NUP98: variants seen among roughly 807,000 people sequenced by gnomAD.
The protein encoded by NUP98 is nuclear pore complex protein Nup98-Nup96.
NUP98 carries 26 observed loss-of-function variants against 191.9 expected under a neutral mutation model. The observed-to-expected ratio is 0.14, with a 90% CI of 0.10 to 0.19. The LOEUF (loss-of-function observed/expected upper bound fraction) is 0.19. NUP98 is among the 10% of genes least tolerant of loss of function. NUP98 has a pLI of 1.00. For synonymous variants in NUP98, 808 were observed against 778.4 expected (o/e 1.04, Z -0.63); for missense variants, 1,941 against 2,178.8 (o/e 0.89, Z 2.17).
Position 3,695,509 on chromosome 11 carries a change from T to C in NUP98, c.4107A>G (p.Gln1369=). Residue 1369 remains glutamine (Q), a synonymous_variant, in exon 26 of 33, where the codon CAA becomes CAG. Coordinates refer to ENST00000324932, the MANE Select transcript of NUP98 (RefSeq NM_016320.5). ...TMQLVDWHQL[Q]ADSFIQDERL... ...TCTCATCCTGGATGAAGGAGTCTGC[T>C]TGGAGCTGATGCCAGTCCACCAACT... is the stretch of plus-strand genomic sequence containing the variant. 6.2e-7 allele frequency: 1 copy of C among 1,611,618 alleles called. No individual in the cohort carries two copies. The highest frequency in any genetic ancestry group is 8.5e-7 in the Non-Finnish European group (1 of 1,178,884).
intron 9 of NUP98, among the ~76,000 whole-genome samples, chr11:3,762,188 C>A (rs749798480): frequency 6.6e-6 from 1 of 151,974 alleles, no homozygotes; most frequent in African/African-American, 2.4e-5. Context: ...CGGGTCACTG[C>A]AACCTCCACT....
intron 28 of NUP98, among the ~76,000 whole-genome samples, chr11:3,689,108 T>C (rs2078225958): frequency 1.3e-5 from 2 of 151,218 alleles, no homozygotes; most frequent in East Asian, 2.0e-4. Context: ...GGTGCACTCC[T>C]GCAGCGCTCA....
At chr11:3,728,045 T>C (rs1181838999) in intron 14 of NUP98, among the ~76,000 whole-genome samples, 2 of 151,710 alleles carry the variant, frequency 1.3e-5, no homozygotes, top group Non-Finnish European at 2.9e-5. Flanking sequence ...AAACCAAAAA[T>C]AGTGTCGCAA....
At chr11:3,787,311 T>C (rs2082174135) in intron 1 of NUP98, among the ~76,000 whole-genome samples, 1 of 152,142 alleles carries the variant, frequency 6.6e-6, no homozygotes, top group East Asian at 1.9e-4. Flanking sequence ...CCGGGCACGG[T>C]GGCTCAAGGT....
chr11:3,733,451 A>G (rs1339091817), intron 13 of NUP98, among the ~76,000 whole-genome samples: 1 of 152,118 alleles, frequency 6.6e-6, no homozygotes, highest in Admixed American at 6.6e-5. Context: ...AGCTGGGATT[A>G]TGGGCACGCA....
At chr11:3,760,405 T>C (rs1372883210) in intron 10 of NUP98, 134 bp downstream of exon 10, 3 of 1,354,690 alleles carry the variant, frequency 2.2e-6, no homozygotes, top group Non-Finnish European at 3.1e-6. Context: ...CTTTTAAATA[T>C]TTCCAATCAT....
intron 14 of NUP98, among the ~76,000 whole-genome samples, chr11:3,729,715 CAAAAAAAAAAA>C (rs755816362): frequency 1.6e-4 from 6 of 37,416 alleles, no homozygotes; most frequent in Admixed American, 8.3e-4. Context: ...ACTCTTGCCT[CAAAAAAAAAAA>C]AAAAAAAAAA....
rs1454411978 is a variant in NUP98 at position 3,705,244 on chromosome 11, C to A, written c.3038G>T (p.Arg1013Ile). The change falls in exon 22 of 33, where the codon AGA becomes ATA. Residue 1013 changes from arginine to isoleucine, a missense_variant. Transcript: ENST00000324932. ...ADTSQEICSP[R>I]LPISASHSSK... ...CGAGTGGGATGCTGAAATGGGGAGT[C>A]TGGGAGAACAGATTTCTTGAGAAGT... 1 of 1,614,176 alleles carries A rather than the reference C, an allele frequency of 6.2e-7. No individual in the cohort carries two copies. Among genetic ancestry groups the A allele is most frequent in the Non-Finnish European group, 8.5e-7 (1 of 1,180,036 alleles).
At chr11:3,729,081 T>G (rs1564852451) in intron 14 of NUP98, among the ~76,000 whole-genome samples, 1 of 152,118 alleles carries the variant, frequency 6.6e-6, no homozygotes, top group South Asian at 2.1e-4. Context: ...GAAGTGAAGA[T>G]GTAGAGTAGG....
chr11:3,719,735 T>C (rs1204805213), intron 17 of NUP98, among the ~76,000 whole-genome samples, 185 bp from the exon 18 acceptor site: 4 of 152,134 alleles, frequency 2.6e-5, no homozygotes, highest in Non-Finnish European at 4.4e-5. Context: ...TACACTGTTA[T>C]CTGATTTAAA....
chr11:3,725,039 G>T (rs927092377), intron 15 of NUP98, 64 bp downstream of exon 15: 4 of 714,844 alleles, frequency 5.6e-6, no homozygotes, highest in Non-Finnish European at 9.6e-6. Context: ...AAATTCCTAA[G>T]AATGTCTTAA....
intron 18 of NUP98, among the ~76,000 whole-genome samples, chr11:3,717,775 G>A (rs1039517803): frequency 6.6e-6 from 1 of 152,198 alleles, no homozygotes; most frequent in Non-Finnish European, 1.5e-5. Flanking sequence ...TTCTGTATTT[G>A]AGTGCCTTTA....
At chr11:3,709,181 G>A (rs994590138) in intron 20 of NUP98, among the ~76,000 whole-genome samples, 1 of 152,098 alleles carries the variant, frequency 6.6e-6, no homozygotes, top group African/African-American at 2.4e-5. Context: ...GTCCTCTCAG[G>A]CAAACAGTTT....
chr11:3,698,952 T>C, intron 25 of NUP98, 130 bp downstream of exon 25: 1 of 1,007,262 alleles, frequency 9.9e-7, no homozygotes, highest in South Asian at 1.6e-5. Flanking sequence ...CCAGCAATCT[T>C]TCTGGGAAGT....
At chr11:3,789,025 T>TA (rs1056436825) in intron 1 of NUP98, among the ~76,000 whole-genome samples, 19 of 151,982 alleles carry the variant, frequency 1.3e-4, no homozygotes, top group Non-Finnish European at 5.9e-5. Flanking sequence ...AATAAAAAGT[T>TA]AAAAAAATAA....
chr11:3,676,299 T>C lies in NUP98; in HGVS notation c.5263A>G (p.Thr1755Ala). ...AAAGGGACTCGCTGAGGGTCTGGTGTTGAGTCGGAGGTTCTATCAGGAGGA... is the reference window on the plus strand; with the variant it reads ...AAAGGGACTCGCTGAGGGTCTGGTGCTGAGTCGGAGGTTCTATCAGGAGGA... Reference protein sequence around the residue: ...HHPPDRTSDSTPDPQRVPLRL... With the variant: ...HHPPDRTSDSAPDPQRVPLRL... The change falls in exon 33 of 33, where the codon ACA becomes GCA. Residue 1755 changes from threonine (T) to alanine (A), a missense_variant. Around this residue, in one of 6 missense-constraint regions of NUP98, gnomAD observed 1,030 missense variants for 1,115.8 expected, o/e 0.92. Coordinates refer to ENST00000324932, the MANE Select transcript of NUP98 (RefSeq NM_016320.5). The C allele has an allele frequency of 6.2e-7, 1 of 1,614,070 alleles. No individual in the cohort carries two copies. The highest frequency in any genetic ancestry group is 8.5e-7 in the Non-Finnish European group (1 of 1,179,982).
chr11:3,747,133 G>A (rs1366753648), intron 11 of NUP98, among the ~76,000 whole-genome samples: 2 of 152,144 alleles, frequency 1.3e-5, no homozygotes, highest in African/African-American at 2.4e-5. Context: ...TAAAGTTCTG[G>A]TAATTTGTCA....
intron 16 of NUP98, among the ~76,000 whole-genome samples, chr11:3,722,105 C>CTTTT (rs923606079): frequency 4.6e-5 from 5 of 108,260 alleles, no homozygotes; most frequent in African/African-American, 6.9e-5. Flanking sequence ...ACCTGGAATT[C>CTTTT]TTTTTTTTTT....
At chr11:3,737,321 C>CAAAA (rs34718372) in intron 12 of NUP98, among the ~76,000 whole-genome samples, 10 of 111,934 alleles carry the variant, frequency 8.9e-5, no homozygotes, top group South Asian at 3.0e-4. Flanking sequence ...GCAGTAATAA[C>CAAAA]AAAAAAAAAA....
Sources: gnomAD v4.1 joint callset for allele counts (sites outside exome capture counted in the v4.1 genomes callset) on GRCh38, gnomAD v4.1.1 for gene constraint, gnomAD v4.1.1 regional missense constraint, MANE v1.5 for transcripts, NCBI Gene and HGNC (gene_info 2026-07-23, HGNC 2026-07-21) for gene names.